The following RFX1 variants were observed in gnomAD, a reference collection of about 807,000 sequenced individuals.
The protein encoded by RFX1 is MHC class II regulatory factor RFX1.
In RFX1, 42 loss-of-function variants were observed where a neutral mutation model predicts 119.6. The ratio of observed to expected loss-of-function variants is 0.35; its 90% CI spans 0.27 to 0.45. The LOEUF is 0.45. RFX1 is among the 20% of genes least tolerant of loss of function. The probability of loss-of-function intolerance (pLI) is 1.00; values close to 1 mark genes in which losing one functional copy is unlikely to be tolerated. For missense variants in RFX1, 1,118 were observed against 1,368.1 expected, an observed-to-expected ratio of 0.82 and a Z score of 2.88; for synonymous variants, 628 against 618.5, an observed-to-expected ratio of 1.02 and a Z score of -0.23.
Position 13,983,567 on chromosome 19 carries a change from C to T in RFX1, c.348G>A (p.Val116=). Residue 116 remains valine (V), a synonymous_variant, in exon 3 of 21, where the codon GTG becomes GTA. Coordinates refer to ENST00000254325, the MANE Select transcript of RFX1 (RefSeq NM_002918.5). ...SEGAMRASET[V]SEASPGSTAS... ...CGGTGGAGCCGGGGCTGGCCTCCGA[C>T]ACTGTCTCGCTGGCCCGCATGGCAC... 6.2e-7 allele frequency: 1 copy of T among 1,609,272 alleles called. No individual in the cohort carries two copies. The highest frequency in any genetic ancestry group is 8.5e-7 in the Non-Finnish European group (1 of 1,179,046).
rs752281324 is a variant in RFX1 at position 13,968,803 on chromosome 19, G to A, written c.1588C>T (p.Arg530Trp). The A allele has an allele frequency of 4.4e-6, 7 of 1,574,092 alleles. No individual in the cohort carries two copies. The highest frequency in any genetic ancestry group is 1.7e-4 in the Middle Eastern group (1 of 5,986). The change falls in exon 11 of 21, where the codon CGG becomes TGG. Residue 530 changes from arginine (R) to tryptophan (W), a missense_variant. Transcript: ENST00000254325. The surrounding 1 kb of genome is among the most constrained non-coding windows in gnomAD (Gnocchi z 5.5). ...TGCTTCTGCGAGAAGGGCTGGCCCCGCATGGCCATGTGCTGCTGGTCCTCC... is the reference window on the plus strand; with the variant it reads ...TGCTTCTGCGAGAAGGGCTGGCCCCACATGGCCATGTGCTGCTGGTCCTCC... ...LMEDQQHMAM[R>W]GQPFSQKQRL...
In RFX1 at chr19:13,970,024, A is replaced by G; in HGVS notation, c.1466T>C (p.Met489Thr). The G allele has an allele frequency of 1.2e-6, 2 of 1,613,598 alleles. No individual in the cohort carries two copies. The highest frequency in any genetic ancestry group is 1.7e-6 in the Non-Finnish European group (2 of 1,179,778). Reference protein sequence around the residue: ...SFGKLIRSVFMGLRTRRLGTR... With the variant: ...SFGKLIRSVFTGLRTRRLGTR... ...GCCCAGACGGCGGGTTCGCAGGCCC[A>G]TGAAGACGGAGCGGATGAGCTTGCC... Residue 489 changes from methionine (M) to threonine (T), a missense_variant, in exon 10 of 21, where the codon ATG (methionine) becomes ACG (threonine). By Grantham distance (81) the Met-to-Thr change is moderately conservative (BLOSUM62 -1). This residue lies in a region of RFX1 where 338 missense variants were observed against 508.9 expected (regional missense o/e 0.66). Transcript: ENST00000254325.
In RFX1 at chr19:13,966,693, A is replaced by C. The variant is rs1973912551; in HGVS notation, c.1791T>G (p.Pro597=). ...TGATGTCCCCGGGCCCGACGCCCTC[A>C]GGCAGCACCTTGCCCTGGAGGTCGA... ...TELDLQGKVL[P]EGVGPGDIKA... The change falls in exon 13 of 21, where the codon CCT becomes CCG. Residue 597 remains proline, a synonymous_variant. Transcript: ENST00000254325. The surrounding 1 kb of genome is among the most constrained non-coding windows in gnomAD (Gnocchi z 6.3). 1 of 1,611,478 alleles carries C rather than the reference A, an allele frequency of 6.2e-7. No homozygotes were observed.
At chr19:13,974,446 G>A (rs1193890162) in intron 8 of RFX1, among the ~76,000 whole-genome samples, 2 of 152,138 alleles carry the variant, frequency 1.3e-5, no homozygotes, top group Non-Finnish European at 2.9e-5. Context: ...TCAACCTCAA[G>A]GGGCTGTTAA....
chr19:13,968,048 G>A lies in RFX1; in HGVS notation c.1732+517C>T, dbSNP rs1219883253. ...GTGGGAGGATCACTTCAGGTCAGGA[G>A]TTCGAGACCAGCCTAGCCAAGATGG... is the stretch of plus-strand genomic sequence containing the variant. On this transcript the variant is annotated intron_variant, in intron 12 of 20. Transcript: ENST00000254325. This position sits in a 1 kb window ranked among gnomAD's most constrained non-coding sequence, Gnocchi z 5.5. Among the ~76,000 whole-genome samples the A allele has an allele frequency of 6.6e-6, 1 of 152,102 alleles. No homozygotes were observed. Among genetic ancestry groups the A allele is most frequent in the Non-Finnish European group, 1.5e-5 (1 of 68,022 alleles).
In RFX1 at chr19:13,983,607, G is replaced by C. The variant is rs776827398; in HGVS notation, c.320-12C>G. The C allele has an allele frequency of 4.0e-5, 63 of 1,578,256 alleles. No individual in the cohort carries two copies. The East Asian group carries it at 1.4e-3, about 35-fold the overall frequency. ...CCGCATGGCACCTTCTGTGGGGAGG[G>C]GCCACCAGGTCAGTTCTTCCTGCTT... On this transcript the variant is annotated splice_polypyrimidine_tract_variant and intron_variant, in intron 2 of 20. Coordinates refer to ENST00000254325, the MANE Select transcript of RFX1 (RefSeq NM_002918.5).
At position 13,965,404 on chromosome 19, in the gene RFX1, C is replaced by A; in HGVS notation, c.2211+45G>T. ...CCCTGGGGAGCAGAGGAGACGGAGG[C>A]CTAAGCCCCAGAGATAGGAGAAAGG... is the stretch of plus-strand genomic sequence containing the variant. On this transcript the variant is annotated intron_variant, in intron 16 of 20. Coordinates refer to ENST00000254325, the MANE Select transcript of RFX1 (RefSeq NM_002918.5). This position sits in a 1 kb window ranked among gnomAD's most constrained non-coding sequence, Gnocchi z 4.7. 6.5e-7 allele frequency: 1 copy of A among 1,549,644 alleles called. No individual in the cohort carries two copies. The highest frequency in any genetic ancestry group is 1.4e-5 in the African/African-American group (1 of 73,674).
rs771242817 is a variant in RFX1 at position 13,990,211 on chromosome 19, G to A, written c.319+3314C>T. Among the ~76,000 whole-genome samples the A allele has an allele frequency of 5.9e-5, 9 of 152,220 alleles. No homozygotes were observed. In the East Asian group the frequency reaches 1.2e-3, roughly 20 times the overall value. ...CCCAGGTCTGAGTCTGGGGCTCCCCGTCCTTTGCTGACAAGGTCAGGGAGA... is the reference window on the plus strand; with the variant it reads ...CCCAGGTCTGAGTCTGGGGCTCCCCATCCTTTGCTGACAAGGTCAGGGAGA... On this transcript the variant is annotated intron_variant, in intron 2 of 20. Coordinates refer to ENST00000254325, the MANE Select transcript of RFX1 (RefSeq NM_002918.5). This position sits in a 1 kb window ranked among gnomAD's most constrained non-coding sequence, Gnocchi z 4.1.
intron 2 of RFX1, among the ~76,000 whole-genome samples, chr19:13,987,401 C>A (rs1424723070): frequency 6.6e-6 from 1 of 152,094 alleles, no homozygotes; most frequent in East Asian, 1.9e-4. Flanking sequence ...CGGCTGGTGT[C>A]CAGCCCCAGG....
chr19:13,969,572 T>G lies in RFX1; in HGVS notation c.1496+422A>C, dbSNP rs1283814860. ...TACTCAAGAGGCTGAGGCATGAGAA[T>G]GGCTTGAACCCGTGAGGCAGAGGTT... On this transcript the variant is annotated intron_variant, in intron 10 of 20. Transcript: ENST00000254325. The surrounding 1 kb of genome is among the most constrained non-coding windows in gnomAD (Gnocchi z 4.5). 2 of 165,074 alleles carry G rather than the reference T, an allele frequency of 1.2e-5. No individual in the cohort carries two copies. Among genetic ancestry groups the G allele is most frequent in the African/African-American group, 2.4e-5 (1 of 41,536 alleles). 10.2% of individuals were successfully genotyped at this position (165,074 alleles called of 1,614,324 possible).
At chr19:14,005,630 A>G (rs1975345471) in intron 1 of RFX1, among the ~76,000 whole-genome samples, 2 of 152,200 alleles carry the variant, frequency 1.3e-5, no homozygotes, top group African/African-American at 4.8e-5. Context: ...AAAGCTCTTA[A>G]GGAAGAAGGG....
Position 13,966,506 on chromosome 19 carries a change from GGTTCACCAT to G in RFX1, c.1867_1875del (p.Met623_Asn625del). 1 of 1,581,402 alleles carries G rather than the reference GGTTCACCAT, an allele frequency of 6.3e-7. No individual in the cohort carries two copies. Among genetic ancestry groups the G allele is most frequent in the Non-Finnish European group, 8.6e-7 (1 of 1,160,508 alleles). Reference sequence around the variant, plus strand: ...AGCGTCTCCACCAGGGTGAACTGCAGGTTCACCATGACGTCGACAATGGCCTGTGGCAGA... The same window carrying G: ...AGCGTCTCCACCAGGGTGAACTGCAGGACGTCGACAATGGCCTGTGGCAGA... On this transcript the variant is annotated inframe_deletion, in exon 14 of 21. Coordinates refer to ENST00000254325, the MANE Select transcript of RFX1 (RefSeq NM_002918.5). The surrounding 1 kb of genome is among the most constrained non-coding windows in gnomAD (Gnocchi z 6.3).
intron 8 of RFX1, among the ~76,000 whole-genome samples, chr19:13,974,245 ACT>A (rs1392433110): frequency 6.6e-6 from 1 of 152,134 alleles, no homozygotes; most frequent in Admixed American, 6.6e-5. Context: ...ATTGGAAGGG[ACT>A]AGAGAAGGCG....
chr19:13,996,553 C>T (rs1225012048), intron 1 of RFX1, among the ~76,000 whole-genome samples: 3 of 152,126 alleles, frequency 2.0e-5, no homozygotes, highest in East Asian at 1.9e-4. Context: ...ATGAGGGAGG[C>T]ATCATCATGC....
intron 12 of RFX1, among the ~76,000 whole-genome samples, chr19:13,967,839 T>C (rs143715685): frequency 6.6e-6 from 1 of 152,274 alleles, no homozygotes; most frequent in East Asian, 1.9e-4. Context: ...CCTAGCCCTG[T>C]GGACACCATG....
Position 13,966,587 on chromosome 19 carries a change from C to T in RFX1, c.1851+46G>A, listed in dbSNP as rs777933431. ...GGGGGCAGCATGGCCCTCCCATGCC[C>T]GTGGCTGCGTCCCCGTCCACTTGCC... On this transcript the variant is annotated intron_variant, in intron 13 of 20. Transcript: ENST00000254325. The surrounding 1 kb of genome is among the most constrained non-coding windows in gnomAD (Gnocchi z 6.3). 35 of 1,536,146 alleles carry T rather than the reference C, an allele frequency of 2.3e-5. No individual in the cohort carries two copies. In the South Asian group the frequency reaches 3.7e-4, roughly 16 times the overall value.
chr19:13,983,699 C>G, intron 2 of RFX1, 104 bp from the exon 3 acceptor site: 2 of 928,452 alleles, frequency 2.2e-6, no homozygotes, highest in Admixed American at 2.2e-5. Context: ...CAACCCCCAG[C>G]AAGGTCAGGC....
chr19:13,971,224 C>T (rs1416383330), intron 9 of RFX1, among the ~76,000 whole-genome samples: 1 of 151,862 alleles, frequency 6.6e-6, no homozygotes, highest in Non-Finnish European at 1.5e-5. Context: ...ATCCCAGCTA[C>T]TCGAGAGGCT....
At chr19:13,964,729 G>A (rs373546712) in intron 16 of RFX1, among the ~76,000 whole-genome samples, 2 of 152,140 alleles carry the variant, frequency 1.3e-5, no homozygotes, top group African/African-American at 2.4e-5. Context: ...TGATCCGCCC[G>A]CCTCGCCTCC....
Sources: allele counts gnomAD v4.1 joint callset (sites outside exome capture counted in the v4.1 genomes callset), GRCh38; gene constraint gnomAD v4.1.1; regional missense constraint gnomAD v4.1.1; non-coding constraint Gnocchi (gnomAD v3.1); transcripts MANE v1.5; gene names NCBI Gene and HGNC (gene_info 2026-07-23, HGNC 2026-07-21).